LPCAT1: variants seen among roughly 807,000 people sequenced by gnomAD.
LPCAT1 encodes 1-acylglycerol-3-phosphate O-acyltransferase.
LPCAT1 carries 23 observed loss-of-function variants against 60.9 expected under a neutral mutation model. The ratio of observed to expected loss-of-function variants is 0.38; its 90% CI spans 0.27 to 0.53. The LOEUF (loss-of-function observed/expected upper bound fraction) is 0.53. LPCAT1 is among the 20% of genes least tolerant of loss of function. The pLI, the probability that LPCAT1 is intolerant of heterozygous loss-of-function variation, is 0.82. For synonymous variants in LPCAT1, 340 were observed against 301.1 expected (o/e 1.13, Z -1.34); for missense variants, 622 against 723.6 (o/e 0.86, Z 1.61).
Position 1,523,428 on chromosome 5 carries a change from C to A in LPCAT1, c.135+282G>T, listed in dbSNP as rs117955236. ...GGGTGCAGGGGTCTGGGGGGAGGAG[C>A]AGAACGCGGGGCGGGGATGGGAAGC... is the stretch of plus-strand genomic sequence containing the variant. On this transcript the variant is annotated intron_variant, in intron 1 of 13. Coordinates refer to ENST00000283415, the MANE Select transcript of LPCAT1 (RefSeq NM_024830.5). The surrounding 1 kb of genome is among the most constrained non-coding windows in gnomAD (Gnocchi z 7.1). 1.3e-5 allele frequency among the ~76,000 whole-genome samples: 2 copies of A among 151,360 alleles called. No individual in the cohort carries two copies. Among genetic ancestry groups the A allele is most frequent in the African/African-American group, 4.8e-5 (2 of 41,260 alleles).
At position 1,474,649 on chromosome 5, in the gene LPCAT1, C is replaced by T. The variant is rs761691864; in HGVS notation, c.936G>A (p.Glu312=). ...CTTCCGCCAGGGCCAGCTGGCAGTC[C>T]TCGAACGTGTAGTCAGTCACGGAGA... ...LGVSVTDYTF[E]DCQLALAEGQ... is the part of the protein sequence containing the mutation. The change falls in exon 10 of 14, where the codon GAG becomes GAA. Residue 312 remains glutamate (E), a synonymous_variant. Transcript: ENST00000283415. 6.2e-7 allele frequency: 1 copy of T among 1,613,950 alleles called. No homozygotes were observed. Among genetic ancestry groups the T allele is most frequent in the South Asian group, 1.1e-5 (1 of 91,048 alleles).
At chr5:1,470,276 G>A (rs567693920) in intron 12 of LPCAT1, among the ~76,000 whole-genome samples, 6 of 152,318 alleles carry the variant, frequency 3.9e-5, no homozygotes, top group East Asian at 1.9e-4. Context: ...CTGGCCTCCC[G>A]CCCTCCAGGC....
At chr5:1,501,668 C>A in intron 1 of LPCAT1, 65 bp from the exon 2 acceptor site, 2 of 1,547,258 alleles carry the variant, frequency 1.3e-6, no homozygotes, top group South Asian at 2.3e-5. Context: ...CCCCACCCGG[C>A]AGAGGCTAGC....
Position 1,487,533 on chromosome 5 carries a change from C to T in LPCAT1, c.667+858G>A, listed in dbSNP as rs569787031. On this transcript the variant is annotated intron_variant, in intron 5 of 13. Coordinates refer to ENST00000283415, the MANE Select transcript of LPCAT1 (RefSeq NM_024830.5). This position sits in a 1 kb window ranked among gnomAD's most constrained non-coding sequence, Gnocchi z 6.1. The stretch of plus-strand genomic sequence containing the variant: ...CAGGCTCGGAAACCCCGGCGGCACA[C>T]GTAGGTGAGTGACTGCACACTTTCT... Among the ~76,000 whole-genome samples, 34 of 152,260 alleles carry T rather than the reference C, an allele frequency of 2.2e-4. No homozygotes were observed. The highest frequency in any genetic ancestry group is 7.7e-4 in the African/African-American group (32 of 41,564).
rs2126531759 is a variant in LPCAT1, at chr5:1,483,530, A to G, written c.668-44T>C. Reference sequence around the variant, plus strand: ...CGGTGTTGCCCATGGCAGCCCACGCAGGACAGCGTCTGCTGCGTTTCTCAT... The same window carrying G: ...CGGTGTTGCCCATGGCAGCCCACGCGGGACAGCGTCTGCTGCGTTTCTCAT... On this transcript the variant is annotated intron_variant, in intron 5 of 13. Transcript: ENST00000283415. The surrounding 1 kb of genome is among the most constrained non-coding windows in gnomAD (Gnocchi z 9.2). 6.2e-7 allele frequency: 1 copy of G among 1,600,092 alleles called. No individual in the cohort carries two copies. The highest frequency in any genetic ancestry group is 8.6e-7 in the Non-Finnish European group (1 of 1,168,654).
In LPCAT1 at chr5:1,496,971, C is replaced by A. The variant is rs1183812588; in HGVS notation, c.279-2057G>T. ...AGGAGCGGGGATCTCCATCAGCACCCCCAGGAAATCCACTCCGTCCTACCG... is the reference window on the plus strand; with the variant it reads ...AGGAGCGGGGATCTCCATCAGCACCACCAGGAAATCCACTCCGTCCTACCG... On this transcript the variant is annotated intron_variant, in intron 2 of 13. Transcript: ENST00000283415. The surrounding 1 kb of genome is among the most constrained non-coding windows in gnomAD (Gnocchi z 4.7). Among the ~76,000 whole-genome samples the A allele has an allele frequency of 6.6e-6, 1 of 152,126 alleles. No homozygotes were observed. Among genetic ancestry groups the A allele is most frequent in the Non-Finnish European group, 1.5e-5 (1 of 68,012 alleles).
Position 1,495,023 on chromosome 5 carries a change from A to ACGGG in LPCAT1, c.279-113_279-110dup. ...AGCCCTCCAGGGCGCAGTCCAGGCC[A>ACGGG]CGGGCTTCCTGTGGTCGCCGCCGCT... On this transcript the variant is annotated intron_variant, in intron 2 of 13. Coordinates refer to ENST00000283415, the MANE Select transcript of LPCAT1 (RefSeq NM_024830.5). The surrounding 1 kb of genome is among the most constrained non-coding windows in gnomAD (Gnocchi z 4.7). 6.8e-6 allele frequency: 7 copies of ACGGG among 1,033,974 alleles called. No individual in the cohort carries two copies. In the South Asian group the frequency reaches 1.1e-4, roughly 17 times the overall value. 64.0% of individuals were successfully genotyped at this position (1,033,974 alleles called of 1,614,324 possible).
intron 11 of LPCAT1, among the ~76,000 whole-genome samples, 193 bp downstream of exon 11, chr5:1,473,764 G>A (rs893623744): frequency 6.6e-6 from 1 of 152,164 alleles, no homozygotes; most frequent in Non-Finnish European, 1.5e-5. Flanking sequence ...TAATTTAAAC[G>A]TCAAATGTGT....
Position 1,496,098 on chromosome 5 carries a change from C to T in LPCAT1, c.279-1184G>A, listed in dbSNP as rs113105914. On this transcript the variant is annotated intron_variant, in intron 2 of 13. Coordinates refer to ENST00000283415, the MANE Select transcript of LPCAT1 (RefSeq NM_024830.5). The surrounding 1 kb of genome is among the most constrained non-coding windows in gnomAD (Gnocchi z 4.7). ...TTTTCTGGCCAGGCATGGTGGCTCA[C>T]GCCTGTAATCACAGCACTTTGGGAG... is the stretch of plus-strand genomic sequence containing the variant. Among the ~76,000 whole-genome samples the T allele has an allele frequency of 5.0e-3, 758 of 152,312 alleles. 8 individuals are homozygous for T. The highest frequency in any genetic ancestry group is 0.017 in the African/African-American group (688 of 41,572).
chr5:1,468,911 C>T (rs1734552545), intron 12 of LPCAT1, among the ~76,000 whole-genome samples: 2 of 152,232 alleles, frequency 1.3e-5, no homozygotes, highest in Admixed American at 1.3e-4. Context: ...GAAGCCCTTC[C>T]TGCTACATGC....
At chr5:1,484,415 A>G (rs376113813) in intron 5 of LPCAT1, among the ~76,000 whole-genome samples, 4 of 152,238 alleles carry the variant, frequency 2.6e-5, no homozygotes, top group African/African-American at 9.6e-5. Context: ...TGGAAAACTC[A>G]GGCATCAGAA....
At position 1,523,939 on chromosome 5, in the gene LPCAT1, G is replaced by A. The variant is rs1196973320; in HGVS notation, c.-95C>T. On this transcript the variant is annotated 5_prime_UTR_variant, in exon 1 of 14. Coordinates refer to ENST00000283415, the MANE Select transcript of LPCAT1 (RefSeq NM_024830.5). The surrounding 1 kb of genome is among the most constrained non-coding windows in gnomAD (Gnocchi z 7.1). ...CGCGGGTCTCGGGGCGCGGGCCGAGGATGCGCGGCGGCTGGAGCGGGCCGG... is the reference window on the plus strand; with the variant it reads ...CGCGGGTCTCGGGGCGCGGGCCGAGAATGCGCGGCGGCTGGAGCGGGCCGG... The A allele has an allele frequency of 3.4e-6, 3 of 874,908 alleles. No individual in the cohort carries two copies. The highest frequency in any genetic ancestry group is 3.7e-5 in the African/African-American group (2 of 54,704). The allele number at this position is 874,908 out of a possible 1,614,324, so 54.2% of individuals were successfully genotyped here.
intron 2 of LPCAT1, among the ~76,000 whole-genome samples, chr5:1,498,793 T>C (rs1030595527): frequency 5.3e-5 from 8 of 152,066 alleles, no homozygotes; most frequent in African/African-American, 1.9e-4. Flanking sequence ...CACACACATA[T>C]ACACATGTAC....
At chr5:1,513,646 A>C (rs1175266492) in intron 1 of LPCAT1, among the ~76,000 whole-genome samples, 1 of 151,866 alleles carries the variant, frequency 6.6e-6, no homozygotes, top group Non-Finnish European at 1.5e-5. Context: ...CCCTGCGATT[A>C]TGTTTCCTCC....
chr5:1,489,213 C>G (rs563942571), intron 4 of LPCAT1, among the ~76,000 whole-genome samples: 1 of 152,360 alleles, frequency 6.6e-6, no homozygotes, highest in South Asian at 2.1e-4. Flanking sequence ...CAGCCAGACC[C>G]TGCAAAGCTT....
At position 1,477,073 on chromosome 5, in the gene LPCAT1, C is replaced by T. The variant is rs143610292; in HGVS notation, c.899+331G>A. ...GAGCAAAGGTAGGCGTGGAGGCCGCCGCACAGATGTGAAGTTGGCCCAGGC... is the reference window on the plus strand; with the variant it reads ...GAGCAAAGGTAGGCGTGGAGGCCGCTGCACAGATGTGAAGTTGGCCCAGGC... On this transcript the variant is annotated intron_variant, in intron 9 of 13. Transcript: ENST00000283415. This position sits in a 1 kb window ranked among gnomAD's most constrained non-coding sequence, Gnocchi z 6.0. 3.7e-4 allele frequency among the ~76,000 whole-genome samples: 56 copies of T among 152,324 alleles called. No homozygotes were observed. Among genetic ancestry groups the T allele is most frequent in the African/African-American group, 9.6e-4 (40 of 41,582 alleles).
At chr5:1,494,111 G>C (rs954967427) in intron 3 of LPCAT1, among the ~76,000 whole-genome samples, 4 of 151,112 alleles carry the variant, frequency 2.6e-5, no homozygotes, top group African/African-American at 7.4e-5. Context: ...CCCCGGCTTT[G>C]GGGAGGGGTC....
chr5:1,495,042 C>A lies in LPCAT1; in HGVS notation c.279-128G>T. ...CAGGCCACGGGCTTCCTGTGGTCGC[C>A]GCCGCTGGGACATCTGCTTGAGGGA... On this transcript the variant is annotated intron_variant, in intron 2 of 13. Coordinates refer to ENST00000283415, the MANE Select transcript of LPCAT1 (RefSeq NM_024830.5). The surrounding 1 kb of genome is among the most constrained non-coding windows in gnomAD (Gnocchi z 4.7). 1 of 800,602 alleles carries A rather than the reference C, an allele frequency of 1.2e-6. No individual in the cohort carries two copies. The highest frequency in any genetic ancestry group is 1.9e-6 in the Non-Finnish European group (1 of 515,616). 49.6% of individuals were successfully genotyped at this position (800,602 alleles called of 1,614,324 possible). A position where few individuals can be genotyped will look rare whatever the true frequency, so the allele number is the denominator to read the frequency against.
At chr5:1,464,785 T>TGC (rs1560943785) in intron 13 of LPCAT1, among the ~76,000 whole-genome samples, 1 of 141,896 alleles carries the variant, frequency 7.0e-6, no homozygotes, top group African/African-American at 2.7e-5. Context: ...CAAACACACG[T>TGC]GCGCGCACAC....
Sources: gnomAD v4.1 joint callset for allele counts (sites outside exome capture counted in the v4.1 genomes callset) on GRCh38, gnomAD v4.1.1 for gene constraint, Gnocchi (gnomAD v3.1) non-coding constraint, MANE v1.5 for transcripts, NCBI Gene and HGNC (gene_info 2026-07-23, HGNC 2026-07-21) for gene names.